Variants in RNH1 observed in about 807,000 individuals in gnomAD.
The protein encoded by RNH1 is ribonuclease inhibitor.
RNH1 carries 38 observed loss-of-function variants against 46.1 expected under a neutral mutation model. The ratio of observed to expected loss-of-function variants is 0.82; its 90% CI spans 0.64 to 1.08. RNH1 has a LOEUF of 1.08. Ranked by LOEUF, RNH1 falls within the 50% of genes least tolerant of loss-of-function variation. RNH1 has a pLI of 0.00. For missense variants in RNH1, 577 were observed against 590.7 expected (o/e 0.98, Z 0.24); for synonymous variants, 319 against 279.1 (o/e 1.14, Z -1.43).
chr11:495,274 C>A (rs989154773), intron 9 of RNH1, among the ~76,000 whole-genome samples: 1 of 152,210 alleles, frequency 6.6e-6, no homozygotes, highest in Non-Finnish European at 1.5e-5. Flanking sequence ...CAGCCTCACT[C>A]GCCTGAGATC....
In RNH1 at chr11:495,116, G is replaced by A. The variant is rs1848941130; in HGVS notation, c.1128-63C>T. On this transcript the variant is annotated intron_variant, in intron 9 of 10. Coordinates refer to ENST00000354420, the MANE Select transcript of RNH1 (RefSeq NM_203387.3). The stretch of plus-strand genomic sequence containing the variant: ...GCCTGGCACCGCACTGACCGGCAGA[G>A]CAGGCCTGGGCCTGGGGGGCGCGAC... 5 of 1,518,606 alleles carry A rather than the reference G, an allele frequency of 3.3e-6. No homozygotes were observed. The African/African-American group carries it at 5.5e-5, about 17-fold the overall frequency. 94.1% of individuals were successfully genotyped at this position (1,518,606 alleles called of 1,614,324 possible). A position where few individuals can be genotyped will look rare whatever the true frequency, so the allele number is the denominator to read the frequency against.
In RNH1 at chr11:499,880, T is replaced by C; in HGVS notation, c.392A>G (p.Gln131Arg). 6.2e-7 allele frequency: 1 copy of C among 1,613,234 alleles called. No homozygotes were observed. Among genetic ancestry groups the C allele is most frequent in the Non-Finnish European group, 8.5e-7 (1 of 1,179,868 alleles). Residue 131 changes from glutamine to arginine, a missense_variant, in exon 5 of 11, where the codon CAG becomes CGG. By Grantham distance (43) the Gln-to-Arg change is conservative. Coordinates refer to ENST00000354420, the MANE Select transcript of RNH1 (RefSeq NM_203387.3). ...SDNLLGDAGL[Q>R]LLCEGLLDPQ... ...GTCCAGGAGTCCTTCGCAGAGCAGC[T>C]GCAGGCCCGCATCCCCCAAGAGGTT...
At position 499,170 on chromosome 11, in the gene RNH1, G is replaced by A; in HGVS notation, c.459C>T (p.Ser153=). 1 of 1,612,620 alleles carries A rather than the reference G, an allele frequency of 6.2e-7. No homozygotes were observed. Among genetic ancestry groups the A allele is most frequent in the Non-Finnish European group, 8.5e-7 (1 of 1,179,956 alleles). Residue 153 remains serine, a synonymous_variant, in exon 6 of 11, where the codon AGC becomes AGT. Coordinates refer to ENST00000354420, the MANE Select transcript of RNH1 (RefSeq NM_203387.3). ...GGGGCTCGCAGCTGGCAGCCGAGAG[G>A]CTGCAATACTCCAGCCTGGGGGACA... ...RLEKLQLEYC[S]LSAASCEPLA...
At chr11:500,883 CT>C in intron 3 of RNH1, 5 of 638,940 alleles carry the variant, frequency 7.8e-6, no homozygotes, top group Non-Finnish European at 1.4e-5. Context: ...AATCCCAGCA[CT>C]TTGGGAGGCC....
In RNH1 at chr11:498,153, G is replaced by A. The variant is rs746709036; in HGVS notation, c.957-12C>T. 1.2e-6 allele frequency: 2 copies of A among 1,609,074 alleles called. No homozygotes were observed. Among genetic ancestry groups the A allele is most frequent in the Middle Eastern group, 1.7e-4 (1 of 6,030 alleles). ...TGCAGGACTTCACCCTGTGGACACAGACAGGACTGACGCCTGGCAGGGGCC... is the reference window on the plus strand; with the variant it reads ...TGCAGGACTTCACCCTGTGGACACAAACAGGACTGACGCCTGGCAGGGGCC... On this transcript the variant is annotated splice_polypyrimidine_tract_variant and intron_variant, in intron 8 of 10. Coordinates refer to ENST00000354420, the MANE Select transcript of RNH1 (RefSeq NM_203387.3).
chr11:498,722 G>T (rs201988659), intron 7 of RNH1, 41 bp downstream of exon 7: 1 of 1,589,744 alleles, frequency 6.3e-7, no homozygotes, highest in Non-Finnish European at 8.5e-7. Flanking sequence ...ACGGCCCGCC[G>T]CCCGACCCTC....
intron 9 of RNH1, among the ~76,000 whole-genome samples, chr11:495,903 G>A (rs1187682272): frequency 3.3e-5 from 5 of 152,204 alleles, no homozygotes; most frequent in Admixed American, 3.3e-4. Context: ...CTGGCGAGAG[G>A]CACACGGGAA....
chr11:497,385 TCGGA>T (rs1180399910), intron 9 of RNH1, among the ~76,000 whole-genome samples: 13 of 74,386 alleles, frequency 1.7e-4, no homozygotes, highest in Admixed American at 1.7e-3. Flanking sequence ...GTGCTCACAC[TCGGA>T]CACTCGTGCT....
In RNH1 at chr11:498,530, C is replaced by G. The variant is rs755798963; in HGVS notation, c.883G>C (p.Glu295Gln). The G allele has an allele frequency of 2.5e-6, 4 of 1,613,208 alleles. No homozygotes were observed. The Admixed American group carries it at 5.0e-5, about 20-fold the overall frequency. ...AGTCGGGCACCCTCATCCCCCAGCT[C>G]GTTGCCGGCCAGGCTGAGCTCCTTC... ...SLKELSLAGN[E>Q]LGDEGARLLC... The change falls in exon 8 of 11, where the codon GAG becomes CAG. Residue 295 changes from glutamate (E) to glutamine (Q), a missense_variant. Coordinates refer to ENST00000354420, the MANE Select transcript of RNH1 (RefSeq NM_203387.3).
chr11:499,652 G>C (rs1045145714), intron 5 of RNH1, 177 bp downstream of exon 5: 3 of 771,500 alleles, frequency 3.9e-6, no homozygotes, highest in Admixed American at 2.0e-5. Flanking sequence ...AGCATCATGG[G>C]GAGAGGAGAG....
At position 494,644 on chromosome 11, in the gene RNH1, G is replaced by T; in HGVS notation, c.*47C>A. On this transcript the variant is annotated 3_prime_UTR_variant, in exon 11 of 11. Coordinates refer to ENST00000354420, the MANE Select transcript of RNH1 (RefSeq NM_203387.3). The stretch of plus-strand genomic sequence containing the variant: ...ATGGCAGGGGCTGGTGGGCCCCAGG[G>T]TTGCCTCGAGGCCGGTCGTCCAGGG... 6.4e-7 allele frequency: 1 copy of T among 1,571,836 alleles called. No homozygotes were observed. Among genetic ancestry groups the T allele is most frequent in the Non-Finnish European group, 8.7e-7 (1 of 1,143,494 alleles).
rs764936283 is a variant in RNH1 at position 501,725 on chromosome 11, T to C, written c.101+337A>G. ...CTTGGCAGGGACAAGCAGCGCCCCATGGAGGCTCACGGAGGGGACCCAAGC... is the reference window on the plus strand; with the variant it reads ...CTTGGCAGGGACAAGCAGCGCCCCACGGAGGCTCACGGAGGGGACCCAAGC... On this transcript the variant is annotated intron_variant, in intron 3 of 10. Transcript: ENST00000354420. The surrounding 1 kb of genome is among the most constrained non-coding windows in gnomAD (Gnocchi z 4.1). 4 of 299,024 alleles carry C rather than the reference T, an allele frequency of 1.3e-5. No individual in the cohort carries two copies. The highest frequency in any genetic ancestry group is 2.5e-5 in the Non-Finnish European group (4 of 156,870). The allele number at this position is 299,024 out of a possible 1,614,324, so 18.5% of individuals were successfully genotyped here.
Position 494,527 on chromosome 11 carries a change from G to T in RNH1, c.*164C>A. The T allele has an allele frequency of 1.5e-6, 1 of 681,248 alleles. No individual in the cohort carries two copies. Among genetic ancestry groups the T allele is most frequent in the Non-Finnish European group, 2.6e-6 (1 of 391,690 alleles). The allele number at this position is 681,248 out of a possible 1,614,324, so 42.2% of individuals were successfully genotyped here. A position where few individuals can be genotyped will look rare whatever the true frequency, so the allele number is the denominator to read the frequency against. ...CAAGAGCCTCTCCTGCCAAGAAAGT[G>T]CTTTAATGATTATAAAGTGTCCAAA... On this transcript the variant is annotated 3_prime_UTR_variant, in exon 11 of 11. Transcript: ENST00000354420.
intron 2 of RNH1, among the ~76,000 whole-genome samples, chr11:504,194 G>A (rs1477169468): frequency 6.6e-6 from 1 of 152,198 alleles, no homozygotes; most frequent in African/African-American, 2.4e-5. Flanking sequence ...ATGTTCCGAC[G>A]TGACGGGGGC....
At chr11:498,413 C>A in intron 8 of RNH1, 44 bp downstream of exon 8, 1 of 1,602,416 alleles carries the variant, frequency 6.2e-7, no homozygotes, top group Non-Finnish European at 8.5e-7. Flanking sequence ...GTCACCCTGG[C>A]CCTCTCTTGG....
At chr11:497,906 C>A in intron 9 of RNH1, 65 bp downstream of exon 9, 2 of 1,546,124 alleles carry the variant, frequency 1.3e-6, no homozygotes, top group Non-Finnish European at 1.8e-6. Flanking sequence ...GCACTCTCGC[C>A]CTTGTGTGCA....
Position 498,543 on chromosome 11 carries a change from G to A in RNH1, c.870C>T (p.Ser290=). 2 of 1,613,206 alleles carry A rather than the reference G, an allele frequency of 1.2e-6. No individual in the cohort carries two copies. Among genetic ancestry groups the A allele is most frequent in the Non-Finnish European group, 1.7e-6 (2 of 1,180,014 alleles). The stretch of plus-strand genomic sequence containing the variant: ...CATCCCCCAGCTCGTTGCCGGCCAG[G>A]CTGAGCTCCTTCAGGCTCTCCTTGG... ...LRAKESLKEL[S]LAGNELGDEG... Residue 290 remains serine (S), a synonymous_variant, in exon 8 of 11, where the codon AGC becomes AGT. Coordinates refer to ENST00000354420, the MANE Select transcript of RNH1 (RefSeq NM_203387.3).
Position 499,911 on chromosome 11 carries a change from T to A in RNH1, c.361A>T (p.Ser121Cys). The change falls in exon 5 of 11, where the codon AGC becomes TGC. Residue 121 changes from serine (S) to cysteine (C), a missense_variant. Coordinates refer to ENST00000354420, the MANE Select transcript of RNH1 (RefSeq NM_203387.3). ...CCCGCATCCCCCAAGAGGTTGTCGC[T>A]GAGGTGCAGCTCCTGCAGGGTGGGC... is the stretch of plus-strand genomic sequence containing the variant. ...TLPTLQELHL[S>C]DNLLGDAGLQ... 6.2e-7 allele frequency: 1 copy of A among 1,613,098 alleles called. No homozygotes were observed. Among genetic ancestry groups the A allele is most frequent in the East Asian group, 2.2e-5 (1 of 44,872 alleles).
Position 494,651 on chromosome 11 carries a change from C to T in RNH1, c.*40G>A, listed in dbSNP as rs776223056. The stretch of plus-strand genomic sequence containing the variant: ...GGGCTGGTGGGCCCCAGGGTTGCCT[C>T]GAGGCCGGTCGTCCAGGGAGAGCAG... On this transcript the variant is annotated 3_prime_UTR_variant, in exon 11 of 11. Transcript: ENST00000354420. 6 of 1,594,876 alleles carry T rather than the reference C, an allele frequency of 3.8e-6. No homozygotes were observed. The highest frequency in any genetic ancestry group is 1.3e-5 in the African/African-American group (1 of 74,460).
Sources: allele counts gnomAD v4.1 joint callset (sites outside exome capture counted in the v4.1 genomes callset), GRCh38; gene constraint gnomAD v4.1.1; non-coding constraint Gnocchi (gnomAD v3.1); transcripts MANE v1.5; gene names NCBI Gene and HGNC (gene_info 2026-07-23, HGNC 2026-07-21).